Variants in TYW1 observed in about 807,000 individuals in gnomAD.
The protein encoded by TYW1 is S-adenosyl-L-methionine-dependent tRNA 4-demethylwyosine synthase TYW1.
TYW1 carries 46 observed loss-of-function variants against 96.2 expected under a neutral mutation model. The ratio of observed to expected loss-of-function variants is 0.48; its 90% CI spans 0.38 to 0.61. The LOEUF (loss-of-function observed/expected upper bound fraction) is 0.61. TYW1 is among the 20% of genes least tolerant of loss of function. The pLI, the probability that TYW1 is intolerant of heterozygous loss-of-function variation, is 0.00. For synonymous variants in TYW1, 274 were observed against 323.0 expected (o/e 0.85, Z 1.63); for missense variants, 684 against 909.6 (o/e 0.75, Z 3.19).
intron 10 of TYW1, among the ~76,000 whole-genome samples, chr7:67,080,947 T>G (rs1796370160): frequency 1.0e-5 from 1 of 97,490 alleles, no homozygotes. Context: ...ACTGTTTTTT[T>G]TTTTTTTTTT....
At chr7:67,212,643 A>G (rs982645717) in intron 15 of TYW1, among the ~76,000 whole-genome samples, 6 of 150,994 alleles carry the variant, frequency 4.0e-5, no homozygotes, top group Non-Finnish European at 8.8e-5. Flanking sequence ...CATCCTTGCC[A>G]GAATTTGGTG....
At chr7:67,015,831 C>T (rs1184521470) in intron 5 of TYW1, among the ~76,000 whole-genome samples, 1 of 151,736 alleles carries the variant, frequency 6.6e-6, no homozygotes, top group Admixed American at 6.6e-5. Context: ...GGTGTGGTGG[C>T]GGGTGCCTGT....
At chr7:67,194,918 G>C (rs959431330) in intron 14 of TYW1, among the ~76,000 whole-genome samples, 3 of 144,894 alleles carry the variant, frequency 2.1e-5, no homozygotes, top group Admixed American at 6.9e-5. Flanking sequence ...TGCGACAACG[G>C]TAGAAAGCGC....
At chr7:67,140,527 A>G (rs1363717836) in intron 13 of TYW1, among the ~76,000 whole-genome samples, 1 of 152,212 alleles carries the variant, frequency 6.6e-6, no homozygotes, top group Admixed American at 6.5e-5. Context: ...ATAAAGACCT[A>G]TAAGCCAATA....
At chr7:67,155,719 C>T (rs187624187) in intron 13 of TYW1, among the ~76,000 whole-genome samples, 1,623 of 152,224 alleles carry the variant, frequency 0.011, 10 homozygotes, top group Non-Finnish European at 0.017. Context: ...CCACTGAGCC[C>T]GGCTAAGTAT....
At chr7:67,094,279 A>G (rs1404373242) in intron 11 of TYW1, among the ~76,000 whole-genome samples, 1 of 152,076 alleles carries the variant, frequency 6.6e-6, no homozygotes, top group Non-Finnish European at 1.5e-5. Context: ...CATGACTTTT[A>G]GCTATTGTGA....
At chr7:67,005,525 G>C (rs560827558) in intron 3 of TYW1, among the ~76,000 whole-genome samples, 2 of 152,204 alleles carry the variant, frequency 1.3e-5, no homozygotes, top group African/African-American at 2.4e-5. Context: ...GAGCCCAGGA[G>C]GTCAAGGCTG....
At chr7:67,224,179 G>C (rs1010794110) in intron 15 of TYW1, among the ~76,000 whole-genome samples, 1 of 152,228 alleles carries the variant, frequency 6.6e-6, no homozygotes, top group Non-Finnish European at 1.5e-5. Flanking sequence ...CCAGGCTGGA[G>C]TGCAATGGCA....
At chr7:67,141,838 C>A (rs749088318) in intron 13 of TYW1, among the ~76,000 whole-genome samples, 11 of 152,174 alleles carry the variant, frequency 7.2e-5, no homozygotes, top group Non-Finnish European at 4.4e-5. Context: ...GAGTTTGAGA[C>A]CACCCTGACC....
At chr7:67,014,201 G>A (rs1221856365) in intron 4 of TYW1, among the ~76,000 whole-genome samples, 166 bp from the exon 5 acceptor site, 3 of 152,190 alleles carry the variant, frequency 2.0e-5, no homozygotes, top group Non-Finnish European at 4.4e-5. Context: ...CGTGCAAGCT[G>A]TTCTTGCTGT....
Position 67,197,921 on chromosome 7 carries a change from G to T in TYW1, c.1977+2584G>T, listed in dbSNP as rs566063822. Among the ~76,000 whole-genome samples, 23 of 149,206 alleles carry T rather than the reference G, an allele frequency of 1.5e-4. 1 individual carries two copies. The South Asian group carries it at 3.2e-3, about 21-fold the overall frequency. On this transcript the variant is annotated intron_variant, in intron 15 of 15. Coordinates refer to ENST00000359626, the MANE Select transcript of TYW1 (RefSeq NM_018264.4). ...CTCTTGCTCTCTCTCTTTTGCTCCCGTTCTCTCTCGTTCTCTCTCCCTCCC... is the reference window on the plus strand; with the variant it reads ...CTCTTGCTCTCTCTCTTTTGCTCCCTTTCTCTCTCGTTCTCTCTCCCTCCC...
chr7:67,188,803 A>C (rs1254619532), intron 14 of TYW1, among the ~76,000 whole-genome samples: 1 of 152,148 alleles, frequency 6.6e-6, no homozygotes, highest in Non-Finnish European at 1.5e-5. Context: ...TCAATAATAC[A>C]AATTGGCCCT....
chr7:67,208,709 A>AC (rs1563072230), intron 15 of TYW1, among the ~76,000 whole-genome samples: 1 of 151,276 alleles, frequency 6.6e-6, no homozygotes, highest in Non-Finnish European at 1.5e-5. Context: ...AAAAAAAAAA[A>AC]CCACAACATT....
chr7:67,030,705 G>C (rs1327136110), intron 7 of TYW1, among the ~76,000 whole-genome samples: 1 of 151,902 alleles, frequency 6.6e-6, no homozygotes, highest in Non-Finnish European at 1.5e-5. Context: ...ATGATAAAGG[G>C]CTGGTTTCAG....
intron 3 of TYW1, among the ~76,000 whole-genome samples, chr7:67,000,370 C>T (rs1015854974): frequency 7.3e-5 from 11 of 151,528 alleles, no homozygotes; most frequent in African/African-American, 1.2e-4. Context: ...GTGATCTCGG[C>T]TCACCACAAC....
chr7:67,109,740 T>G (rs968270909), intron 12 of TYW1, among the ~76,000 whole-genome samples: 4 of 151,690 alleles, frequency 2.6e-5, no homozygotes, highest in African/African-American at 7.3e-5. Flanking sequence ...ATTAGCCGGG[T>G]GTGGTGGCGG....
At chr7:67,006,314 T>A (rs567248647) in intron 3 of TYW1, among the ~76,000 whole-genome samples, 4 of 152,268 alleles carry the variant, frequency 2.6e-5, no homozygotes, top group African/African-American at 9.6e-5. Context: ...CCACCAATAT[T>A]GGAAGCTCCC....
intron 11 of TYW1, among the ~76,000 whole-genome samples, chr7:67,086,215 T>C: frequency 6.6e-6 from 1 of 152,184 alleles, no homozygotes. Flanking sequence ...TTACCAGTGT[T>C]TTGGAAAATT....
At chr7:67,100,879 A>G (rs1334165466) in intron 12 of TYW1, among the ~76,000 whole-genome samples, 3 of 150,988 alleles carry the variant, frequency 2.0e-5, no homozygotes, top group Non-Finnish European at 4.4e-5. Flanking sequence ...AGAGTTAAAG[A>G]AAGAGGAGAG....
Sources: allele counts gnomAD v4.1 joint callset (sites outside exome capture counted in the v4.1 genomes callset), GRCh38; gene constraint gnomAD v4.1.1; transcripts MANE v1.5; gene names NCBI Gene and HGNC (gene_info 2026-07-23, HGNC 2026-07-21).